DNAH11: variants seen among roughly 807,000 people sequenced by gnomAD.
DNAH11 encodes the protein dynein axonemal heavy chain 11.
In DNAH11, 442 loss-of-function variants were observed where a neutral mutation model predicts 526.0. The observed-to-expected ratio is 0.84, with a 90% CI of 0.78 to 0.91. DNAH11 has a LOEUF of 0.91. Among genes scored for constraint, DNAH11 ranks in the 40% least tolerant of loss-of-function variants. DNAH11 has a pLI of 0.00. For synonymous variants in DNAH11, 2,461 were observed against 1,935.9 expected (o/e 1.27, Z -7.12); for missense variants, 6,989 against 5,448.7 (o/e 1.28, Z -8.90).
chr7:21,626,412 A>G (rs186115591), intron 25 of DNAH11, among the ~76,000 whole-genome samples: 1 of 152,310 alleles, frequency 6.6e-6, no homozygotes, highest in Admixed American at 6.5e-5. Context: ...TAGTACTGCA[A>G]AAAACATGGA....
intron 38 of DNAH11, 25 bp downstream of exon 38, chr7:21,704,653 G>A (rs1418025126): frequency 6.3e-7 from 1 of 1,579,058 alleles, no homozygotes; most frequent in East Asian, 2.2e-5. Context: ...TGCTTTTCAT[G>A]GCAGCTGTTG....
At chr7:21,787,026 G>T (rs1340538961) in intron 59 of DNAH11, among the ~76,000 whole-genome samples, 1 of 152,240 alleles carries the variant, frequency 6.6e-6, no homozygotes, top group African/African-American at 2.4e-5. Flanking sequence ...TATGAAAGCA[G>T]TTAAGTGTAG....
At chr7:21,705,310 C>T (rs1784221843) in intron 38 of DNAH11, 150 bp from the exon 39 acceptor site, 3 of 698,510 alleles carry the variant, frequency 4.3e-6, no homozygotes, top group Non-Finnish European at 7.1e-6. Flanking sequence ...ATACTTTTCA[C>T]TTATGGTCTA....
intron 20 of DNAH11, among the ~76,000 whole-genome samples, chr7:21,610,670 A>G: frequency 6.6e-6 from 1 of 152,226 alleles, no homozygotes; most frequent in East Asian, 1.9e-4. Flanking sequence ...TTGAATTTGA[A>G]AAAGGGCCAG....
chr7:21,707,158 C>T (rs953727371), intron 39 of DNAH11, among the ~76,000 whole-genome samples: 1 of 152,180 alleles, frequency 6.6e-6, no homozygotes, highest in Admixed American at 6.5e-5. Flanking sequence ...AACCACTGCC[C>T]TAAGTCTCTA....
intron 54 of DNAH11, among the ~76,000 whole-genome samples, chr7:21,764,192 A>C (rs1787063494): frequency 6.6e-6 from 1 of 151,716 alleles, no homozygotes. Context: ...GTTTTTTGAC[A>C]CAATAAAAGA....
intron 30 of DNAH11, among the ~76,000 whole-genome samples, chr7:21,669,702 G>A (rs1562741884): frequency 1.3e-5 from 2 of 151,312 alleles, no homozygotes; most frequent in Non-Finnish European, 2.9e-5. Flanking sequence ...GTTATTGCCT[G>A]TCCAAAAGTC....
chr7:21,863,315 C>T (rs866281538), intron 69 of DNAH11, among the ~76,000 whole-genome samples: 11 of 152,246 alleles, frequency 7.2e-5, no homozygotes, highest in Middle Eastern at 3.4e-3. Context: ...CAAGGCATTA[C>T]ACAATGAAAT....
chr7:21,852,582 TAG>T lies in DNAH11; in HGVS notation c.11018_11019del (p.Arg3673IlefsTer17). On this transcript the variant is annotated frameshift_variant, in exon 67 of 82. Coordinates refer to ENST00000409508, the MANE Select transcript of DNAH11 (RefSeq NM_001277115.2). LOFTEE classifies it high-confidence loss of function. ...AGCTTTCTGGATGACACCAAACTGG[TAG>T]AGAGATTGGAGGCAACAAAGACCAC... is the stretch of plus-strand genomic sequence containing the variant. 2 of 1,608,388 alleles carry T rather than the reference TAG, an allele frequency of 1.2e-6. No individual in the cohort carries two copies. Among genetic ancestry groups the T allele is most frequent in the Non-Finnish European group, 1.7e-6 (2 of 1,178,354 alleles).
intron 65 of DNAH11, among the ~76,000 whole-genome samples, chr7:21,840,138 C>A (rs1040393103): frequency 6.6e-6 from 1 of 152,144 alleles, no homozygotes; most frequent in African/African-American, 2.4e-5. Context: ...AAAACATTGC[C>A]ACTTTATGGC....
chr7:21,561,238 C>T (rs941274993), intron 5 of DNAH11, 68 bp downstream of exon 5: 42 of 1,184,258 alleles, frequency 3.5e-5, no homozygotes, highest in South Asian at 9.3e-5. Flanking sequence ...CCTGCCTGCT[C>T]GGCCTTGATA....
chr7:21,553,505 G>A (rs575975241), intron 2 of DNAH11, among the ~76,000 whole-genome samples: 22 of 152,154 alleles, frequency 1.4e-4, no homozygotes, highest in African/African-American at 5.1e-4. Flanking sequence ...CTTCTCCCTC[G>A]GGTCCCACCT....
chr7:21,624,189 T>A (rs898769500), intron 25 of DNAH11, among the ~76,000 whole-genome samples: 1 of 152,084 alleles, frequency 6.6e-6, no homozygotes, highest in Non-Finnish European at 1.5e-5. Flanking sequence ...AATACTGGGA[T>A]AACTTTAAAT....
intron 54 of DNAH11, among the ~76,000 whole-genome samples, chr7:21,756,760 C>T (rs547924842): frequency 1.3e-5 from 2 of 152,246 alleles, no homozygotes; most frequent in South Asian, 2.1e-4. Flanking sequence ...TTTAAAATCA[C>T]TTTGCTAAAT....
intron 2 of DNAH11, among the ~76,000 whole-genome samples, chr7:21,554,404 A>T (rs1783141511): frequency 6.6e-6 from 1 of 151,714 alleles, no homozygotes; most frequent in Non-Finnish European, 1.5e-5. Context: ...TGAGGCCCTG[A>T]CCTCAGGTGA....
intron 41 of DNAH11, 119 bp downstream of exon 41, chr7:21,710,822 T>C: frequency 2.0e-6 from 2 of 1,011,430 alleles, no homozygotes; most frequent in Non-Finnish European, 2.8e-6. Flanking sequence ...TTTATGTAAT[T>C]ATTATTTTGA....
At chr7:21,742,668 TATAAAA>T (rs1239300239) in intron 49 of DNAH11, among the ~76,000 whole-genome samples, 1 of 152,190 alleles carries the variant, frequency 6.6e-6, no homozygotes. Context: ...GGTGTTCCTT[TATAAAA>T]CAGCTTAAAA....
rs960908839 is a variant in DNAH11, at chr7:21,852,719, T to C, written c.11061+88T>C. On this transcript the variant is annotated intron_variant, in intron 67 of 81. Transcript: ENST00000409508. ...GGGCAGTGTGATCAGACTTGGTAAT[T>C]CCTCTAAGAGGACCAGCGTGTGGAA... 5.0e-6 allele frequency: 7 copies of C among 1,387,994 alleles called. No individual in the cohort carries two copies. In the South Asian group the frequency reaches 5.2e-5, roughly 10 times the overall value. 86.0% of individuals were successfully genotyped at this position (1,387,994 alleles called of 1,614,324 possible).
intron 29 of DNAH11, among the ~76,000 whole-genome samples, chr7:21,656,183 G>A (rs952450962): frequency 6.6e-6 from 1 of 152,082 alleles, no homozygotes; most frequent in Non-Finnish European, 1.5e-5. Flanking sequence ...ATGTGGCTTT[G>A]GCACCCAGCA....
Sources: gnomAD v4.1 joint callset for allele counts (sites outside exome capture counted in the v4.1 genomes callset) on GRCh38, gnomAD v4.1.1 for gene constraint, MANE v1.5 for transcripts, NCBI Gene and HGNC (gene_info 2026-07-23, HGNC 2026-07-21) for gene names.